Variants in SEMA5A observed in about 807,000 individuals in gnomAD.
SEMA5A encodes the protein semaphorin-5A.
A neutral mutation model predicts 135.5 loss-of-function variants in SEMA5A; 55 were observed. That is an observed-to-expected ratio of 0.41 (90% CI 0.33 to 0.51). SEMA5A has a LOEUF of 0.51. SEMA5A is among the 20% of genes least tolerant of loss of function. The pLI, the probability that SEMA5A is intolerant of heterozygous loss-of-function variation, is 0.37. For missense variants in SEMA5A, 1,290 were observed against 1,419.9 expected, an observed-to-expected ratio of 0.91 and a Z score of 1.47; for synonymous variants, 580 against 546.5, an observed-to-expected ratio of 1.06 and a Z score of -0.85.
At chr5:9,146,315 A>C (rs1356879272) in intron 12 of SEMA5A, among the ~76,000 whole-genome samples, 1 of 152,186 alleles carries the variant, frequency 6.6e-6, no homozygotes, top group Non-Finnish European at 1.5e-5. Flanking sequence ...ATTTTTAAAA[A>C]CAGATTTAAT....
chr5:9,268,341 G>A (rs1213725275), intron 5 of SEMA5A, among the ~76,000 whole-genome samples: 4 of 152,128 alleles, frequency 2.6e-5, no homozygotes, highest in Non-Finnish European at 5.9e-5. Flanking sequence ...TTTTCTGTGT[G>A]TGGAAGATGT....
intron 5 of SEMA5A, among the ~76,000 whole-genome samples, chr5:9,242,213 CT>C (rs1156807592): frequency 1.3e-5 from 2 of 152,152 alleles, no homozygotes; most frequent in Non-Finnish European, 2.9e-5. Context: ...TGTGATTTGA[CT>C]TGAATAAAAT....
At chr5:9,293,958 A>G (rs1200929485) in intron 5 of SEMA5A, among the ~76,000 whole-genome samples, 1 of 152,236 alleles carries the variant, frequency 6.6e-6, no homozygotes, top group Non-Finnish European at 1.5e-5. Context: ...TCCCAATTGC[A>G]GTCCATACAG....
chr5:9,211,920 T>A (rs1312230609), intron 8 of SEMA5A, among the ~76,000 whole-genome samples: 1 of 152,184 alleles, frequency 6.6e-6, no homozygotes, highest in Non-Finnish European at 1.5e-5. Flanking sequence ...TGAGTTCACC[T>A]CCATATGAAA....
At chr5:9,459,343 T>C (rs1172938881) in intron 1 of SEMA5A, among the ~76,000 whole-genome samples, 1 of 152,206 alleles carries the variant, frequency 6.6e-6, no homozygotes. Flanking sequence ...GGTCGTTATA[T>C]TATATAAAAT....
At chr5:9,391,002 T>C (rs11743084) in intron 2 of SEMA5A, 16,807 of 152,144 alleles carry the variant, frequency 0.11, 986 homozygotes, top group Non-Finnish European at 0.12. Flanking sequence ...AACAGGTAAG[T>C]CCCTGGCCCT....
At chr5:9,331,085 T>C (rs969639381) in intron 4 of SEMA5A, among the ~76,000 whole-genome samples, 29 of 152,310 alleles carry the variant, frequency 1.9e-4, no homozygotes, top group African/African-American at 7.0e-4. Context: ...TTGACTAAAA[T>C]ATACTCTTTG....
chr5:9,062,366 G>T (rs911079170), intron 18 of SEMA5A, among the ~76,000 whole-genome samples: 4 of 152,166 alleles, frequency 2.6e-5, no homozygotes, highest in Admixed American at 6.5e-5. Flanking sequence ...TTTAGGATTT[G>T]GTTTCAGGTC....
intron 11 of SEMA5A, among the ~76,000 whole-genome samples, chr5:9,184,871 A>T (rs1312000683): frequency 6.6e-6 from 1 of 152,112 alleles, no homozygotes; most frequent in Admixed American, 6.6e-5. Flanking sequence ...CAGGACAGGG[A>T]TGCAGAGAAG....
At chr5:9,395,513 T>A (rs1203638894) in intron 2 of SEMA5A, among the ~76,000 whole-genome samples, 1 of 152,224 alleles carries the variant, frequency 6.6e-6, no homozygotes, top group African/African-American at 2.4e-5. Context: ...AAGTCACTTG[T>A]ACCTAAGGAA....
intron 1 of SEMA5A, among the ~76,000 whole-genome samples, chr5:9,456,915 A>G (rs148373317): frequency 1.0e-3 from 159 of 152,300 alleles, no homozygotes; most frequent in African/African-American, 3.7e-3. Flanking sequence ...CCCTGCTCGC[A>G]CTTTTCTACA....
In SEMA5A at chr5:9,204,919, A is replaced by T. The variant is rs1253449607; in HGVS notation, c.647-2679T>A. 6.6e-6 allele frequency among the ~76,000 whole-genome samples: 1 copy of T among 152,190 alleles called. No homozygotes were observed. The highest frequency in any genetic ancestry group is 1.5e-5 in the Non-Finnish European group (1 of 68,026). Reference sequence around the variant, plus strand: ...CATGTGAGGGATCTAAGTTGTACACATCTTATGAGAATCTAATGCCTGATG... The same window carrying T: ...CATGTGAGGGATCTAAGTTGTACACTTCTTATGAGAATCTAATGCCTGATG... On this transcript the variant is annotated intron_variant, in intron 8 of 22. Transcript: ENST00000382496. This position sits in a 1 kb window ranked among gnomAD's most constrained non-coding sequence, Gnocchi z 6.4.
chr5:9,443,354 G>A (rs952759634), intron 1 of SEMA5A, among the ~76,000 whole-genome samples: 1 of 151,992 alleles, frequency 6.6e-6, no homozygotes, highest in African/African-American at 2.4e-5. Context: ...GGGGAGAGGG[G>A]AGGAAGAGCA....
At chr5:9,292,775 C>A (rs1464074922) in intron 5 of SEMA5A, among the ~76,000 whole-genome samples, 2 of 152,140 alleles carry the variant, frequency 1.3e-5, no homozygotes, top group African/African-American at 4.8e-5. Context: ...CAGGGTTTCT[C>A]AACCAGGTGC....
chr5:9,160,919 T>C (rs1249058467), intron 11 of SEMA5A, among the ~76,000 whole-genome samples: 1 of 152,174 alleles, frequency 6.6e-6, no homozygotes, highest in Non-Finnish European at 1.5e-5. Flanking sequence ...GTTTACACAA[T>C]GCTTATCAAA....
chr5:9,082,439 ATTTTCTTCTCTGAGTTCACTCAGAAGCG>A (rs1738441753), intron 16 of SEMA5A, among the ~76,000 whole-genome samples: 2 of 152,076 alleles, frequency 1.3e-5, no homozygotes, highest in Non-Finnish European at 2.9e-5. Flanking sequence ...CTTGAAAACA[ATTTTCTTCTCTGAGTTCACTCAGAAGCG>A]GGCTAATCAG....
At chr5:9,118,586 C>T (rs930913551) in intron 15 of SEMA5A, among the ~76,000 whole-genome samples, 2 of 152,112 alleles carry the variant, frequency 1.3e-5, no homozygotes, top group Non-Finnish European at 2.9e-5. Flanking sequence ...AAAACCCTAC[C>T]GCACCTGCCC....
rs143481597 is a variant in SEMA5A at position 9,292,556 on chromosome 5, T to C, written c.270+25816A>G. Reference sequence around the variant, plus strand: ...CAGGTAAATAAATGGTGAATTTCCATAAACCAAAGGGAATTTACAGAAATA... The same window carrying C: ...CAGGTAAATAAATGGTGAATTTCCACAAACCAAAGGGAATTTACAGAAATA... On this transcript the variant is annotated intron_variant, in intron 5 of 22. Coordinates refer to ENST00000382496, the MANE Select transcript of SEMA5A (RefSeq NM_003966.3). 9.8e-5 allele frequency among the ~76,000 whole-genome samples: 15 copies of C among 152,294 alleles called. No individual in the cohort carries two copies. In the East Asian group the frequency reaches 2.9e-3, roughly 29 times the overall value.
At chr5:9,397,415 C>T (rs1339415632) in intron 2 of SEMA5A, among the ~76,000 whole-genome samples, 1 of 152,212 alleles carries the variant, frequency 6.6e-6, no homozygotes, top group African/African-American at 2.4e-5. Context: ...AATACTAGCA[C>T]CTTTCTCATA....
Sources: gnomAD v4.1 joint callset for allele counts (sites outside exome capture counted in the v4.1 genomes callset) on GRCh38, gnomAD v4.1.1 for gene constraint, Gnocchi (gnomAD v3.1) non-coding constraint, MANE v1.5 for transcripts, NCBI Gene and HGNC (gene_info 2026-07-23, HGNC 2026-07-21) for gene names.